The following INPP4B variants were observed in gnomAD, a reference collection of about 807,000 sequenced individuals.
INPP4B encodes inositol polyphosphate-4-phosphatase type II B.
In INPP4B, 55 loss-of-function variants were observed where a neutral mutation model predicts 122.5. The observed-to-expected ratio is 0.45, with a 90% CI of 0.36 to 0.56. INPP4B has a LOEUF of 0.56. Among genes scored for constraint, INPP4B ranks in the 20% least tolerant of loss-of-function variants. INPP4B has a pLI of 0.00. For missense variants in INPP4B, 1,000 were observed against 1,097.7 expected (o/e 0.91, Z 1.26); for synonymous variants, 403 against 388.7 (o/e 1.04, Z -0.43).
chr4:142,773,116 C>A (rs1280117232), intron 1 of INPP4B, among the ~76,000 whole-genome samples: 2 of 151,954 alleles, frequency 1.3e-5, no homozygotes, highest in Non-Finnish European at 2.9e-5. Context: ...GGGTCTAAAT[C>A]TTAAGGACTT....
intron 7 of INPP4B, among the ~76,000 whole-genome samples, chr4:142,347,886 C>T (rs1431548699): frequency 6.6e-6 from 1 of 151,740 alleles, no homozygotes; most frequent in East Asian, 1.9e-4. Context: ...CTAAAGATTC[C>T]CATTTTAAGT....
At chr4:142,760,114 C>T (rs994881401) in intron 1 of INPP4B, among the ~76,000 whole-genome samples, 2 of 152,092 alleles carry the variant, frequency 1.3e-5, no homozygotes, top group African/African-American at 4.8e-5. Context: ...CAAGATCTGT[C>T]AGTGCAGTCA....
chr4:142,135,789 T>G (rs1367828258), intron 18 of INPP4B, among the ~76,000 whole-genome samples: 1 of 152,076 alleles, frequency 6.6e-6, no homozygotes, highest in Non-Finnish European at 1.5e-5. Context: ...TGTTTGTTTG[T>G]TTATTTTTTT....
At chr4:142,034,417 C>A (rs1001272887) in intron 25 of INPP4B, among the ~76,000 whole-genome samples, 1 of 152,254 alleles carries the variant, frequency 6.6e-6, no homozygotes. Context: ...AGGCTGGGCC[C>A]TGGCTCTTTG....
chr4:142,555,132 G>A (rs1292242075), intron 2 of INPP4B, among the ~76,000 whole-genome samples: 1 of 152,164 alleles, frequency 6.6e-6, no homozygotes, highest in Non-Finnish European at 1.5e-5. Flanking sequence ...CCAAATATCA[G>A]CCTGCAGGAT....
chr4:142,633,135 A>T (rs544084569), intron 2 of INPP4B, among the ~76,000 whole-genome samples: 1 of 152,148 alleles, frequency 6.6e-6, no homozygotes, highest in African/African-American at 2.4e-5. Context: ...TAAGTCAAGA[A>T]AAATTGCTAA....
chr4:142,262,276 C>A (rs1192207604), intron 10 of INPP4B, among the ~76,000 whole-genome samples: 1 of 152,148 alleles, frequency 6.6e-6, no homozygotes, highest in African/African-American at 2.4e-5. Flanking sequence ...CCCCATGAAT[C>A]TCAGCCCTCA....
chr4:142,743,045 A>G (rs1768131236), intron 1 of INPP4B, among the ~76,000 whole-genome samples: 1 of 151,988 alleles, frequency 6.6e-6, no homozygotes, highest in Non-Finnish European at 1.5e-5. Flanking sequence ...GAAAATCTCA[A>G]TCAGAAACAA....
rs1327394096 is a variant in INPP4B at position 142,440,937 on chromosome 4, C to T, written c.-126-9552G>A. On this transcript the variant is annotated intron_variant, in intron 3 of 25. Coordinates refer to ENST00000262992, the MANE Select transcript of INPP4B (RefSeq NM_001101669.3). ...ATAAAATACTATTATTAAGCACTGT[C>T]CTCATGTTGTCCATTAGATTTTTGT... 2.0e-5 allele frequency among the ~76,000 whole-genome samples: 3 copies of T among 152,154 alleles called. No individual in the cohort carries two copies. The East Asian group carries it at 5.8e-4, about 29-fold the overall frequency.
intron 7 of INPP4B, among the ~76,000 whole-genome samples, chr4:142,369,226 C>A (rs1788780125): frequency 6.6e-6 from 1 of 152,100 alleles, no homozygotes; most frequent in South Asian, 2.1e-4. Flanking sequence ...ATCAAAATAA[C>A]TTCTGAGAGC....
At chr4:142,281,554 T>G (rs1207906345) in intron 9 of INPP4B, among the ~76,000 whole-genome samples, 1 of 152,024 alleles carries the variant, frequency 6.6e-6, no homozygotes, top group East Asian at 1.9e-4. Flanking sequence ...AGAATTTGTA[T>G]GCTTTTGGGT....
chr4:142,609,930 G>T (rs1003033154), intron 2 of INPP4B, among the ~76,000 whole-genome samples: 1 of 152,144 alleles, frequency 6.6e-6, no homozygotes, highest in African/African-American at 2.4e-5. Flanking sequence ...TCTAGATGAT[G>T]GATATGTATA....
At chr4:142,067,150 C>A (rs1272597214) in intron 25 of INPP4B, among the ~76,000 whole-genome samples, 3 of 152,188 alleles carry the variant, frequency 2.0e-5, no homozygotes, top group African/African-American at 7.2e-5. Flanking sequence ...CAGGCAACAA[C>A]ATTTGCCCTT....
intron 1 of INPP4B, among the ~76,000 whole-genome samples, chr4:142,823,505 A>G (rs1160449142): frequency 6.6e-6 from 1 of 152,180 alleles, no homozygotes; most frequent in Non-Finnish European, 1.5e-5. Flanking sequence ...CAAAATTTTA[A>G]TATGTAGTCT....
chr4:142,365,944 G>C (rs971038215), intron 7 of INPP4B, among the ~76,000 whole-genome samples: 10 of 152,020 alleles, frequency 6.6e-5, no homozygotes, highest in African/African-American at 2.4e-4. Context: ...GTGGTAAAGT[G>C]TTGGGGCAGC....
intron 23 of INPP4B, among the ~76,000 whole-genome samples, chr4:142,089,437 C>CCACA (rs36203495): frequency 0.033 from 4,607 of 141,364 alleles, 72 homozygotes; most frequent in Middle Eastern, 0.041. Flanking sequence ...GATGTTCTCA[C>CCACA]CACACACACA....
intron 2 of INPP4B, among the ~76,000 whole-genome samples, chr4:142,597,194 G>C (rs976819220): frequency 6.6e-6 from 1 of 152,176 alleles, no homozygotes; most frequent in Non-Finnish European, 1.5e-5. Context: ...GGAACTTGTA[G>C]GAGTTCCTGT....
intron 2 of INPP4B, among the ~76,000 whole-genome samples, chr4:142,512,209 T>C (rs1824807678): frequency 6.6e-6 from 1 of 152,056 alleles, no homozygotes; most frequent in Admixed American, 6.6e-5. Flanking sequence ...CCATGACCAG[T>C]TTATTACTCA....
At chr4:142,645,716 G>A (rs908864112) in intron 2 of INPP4B, among the ~76,000 whole-genome samples, 7 of 152,150 alleles carry the variant, frequency 4.6e-5, no homozygotes, top group African/African-American at 1.7e-4. Flanking sequence ...ATCAGCTGTT[G>A]AATTCTTGTT....
Sources: allele counts gnomAD v4.1 joint callset (sites outside exome capture counted in the v4.1 genomes callset), GRCh38; gene constraint gnomAD v4.1.1; transcripts MANE v1.5; gene names NCBI Gene and HGNC (gene_info 2026-07-23, HGNC 2026-07-21).